The following TBC1D5 variants were observed in gnomAD, a reference collection of about 807,000 sequenced individuals.
TBC1D5 encodes the protein TBC1 domain family member 5.
TBC1D5 carries 75 observed loss-of-function variants against 100.3 expected under a neutral mutation model. That is an observed-to-expected ratio of 0.75 (90% CI 0.62 to 0.91). TBC1D5 has a LOEUF of 0.91. Among genes scored for constraint, TBC1D5 ranks in the 40% least tolerant of loss-of-function variants. The pLI is 0.00. For missense variants in TBC1D5, 910 were observed against 942.4 expected, an observed-to-expected ratio of 0.97 and a Z score of 0.45; for synonymous variants, 323 against 325.6, an observed-to-expected ratio of 0.99 and a Z score of 0.09.
intron 9 of TBC1D5, among the ~76,000 whole-genome samples, chr3:17,383,536 T>G (rs1317619850): frequency 6.6e-6 from 1 of 152,070 alleles, no homozygotes; most frequent in Non-Finnish European, 1.5e-5. Context: ...AATAGGATAC[T>G]TGATTATTTT....
At chr3:17,211,014 TA>T (rs2072917527) in intron 18 of TBC1D5, among the ~76,000 whole-genome samples, 1 of 152,256 alleles carries the variant, frequency 6.6e-6, no homozygotes, top group South Asian at 2.1e-4. Context: ...AAAAATCTAT[TA>T]AAATATGATT....
chr3:17,342,163 C>T (rs1213724678), intron 13 of TBC1D5, among the ~76,000 whole-genome samples: 1 of 152,202 alleles, frequency 6.6e-6, no homozygotes, highest in Non-Finnish European at 1.5e-5. Flanking sequence ...TGACTATCTG[C>T]TGAGACTTAT....
intron 2 of TBC1D5, among the ~76,000 whole-genome samples, chr3:17,585,843 T>C (rs1248901402): frequency 6.6e-6 from 1 of 152,220 alleles, no homozygotes; most frequent in Non-Finnish European, 1.5e-5. Context: ...GGCTCATAAA[T>C]GTACATTTTA....
At chr3:17,533,699 G>T (rs1377569232) in intron 2 of TBC1D5, among the ~76,000 whole-genome samples, 1 of 152,142 alleles carries the variant, frequency 6.6e-6, no homozygotes, top group Non-Finnish European at 1.5e-5. Context: ...CTACGAATGT[G>T]AATTACAAAA....
intron 13 of TBC1D5, among the ~76,000 whole-genome samples, chr3:17,356,685 T>A (rs1443567590): frequency 6.6e-6 from 1 of 152,202 alleles, no homozygotes; most frequent in Admixed American, 6.5e-5. Flanking sequence ...GAGCCAAACT[T>A]CTGACCAACT....
At chr3:17,614,501 G>C (rs1390523591) in intron 2 of TBC1D5, among the ~76,000 whole-genome samples, 1 of 152,170 alleles carries the variant, frequency 6.6e-6, no homozygotes, top group Non-Finnish European at 1.5e-5. Flanking sequence ...TCACAATGTT[G>C]ATTCCTCCTA....
intron 2 of TBC1D5, among the ~76,000 whole-genome samples, chr3:17,620,138 CT>C (rs2062530042): frequency 6.6e-6 from 1 of 152,174 alleles, no homozygotes; most frequent in Non-Finnish European, 1.5e-5. Context: ...CCCTTTGAAC[CT>C]TTTTGCCGTT....
intron 18 of TBC1D5, among the ~76,000 whole-genome samples, chr3:17,200,815 A>G (rs1270818043): frequency 6.6e-6 from 1 of 152,206 alleles, no homozygotes; most frequent in Non-Finnish European, 1.5e-5. Context: ...CTCCTGAGCA[A>G]CAAGCAGTAC....
intron 18 of TBC1D5, among the ~76,000 whole-genome samples, chr3:17,200,368 A>T (rs930378808): frequency 6.6e-6 from 1 of 152,248 alleles, no homozygotes; most frequent in Admixed American, 6.5e-5. Context: ...AGCAGCAGGC[A>T]AGCAAGCATT....
chr3:17,475,494 CA>C (rs2095427818), intron 3 of TBC1D5, among the ~76,000 whole-genome samples: 1 of 152,028 alleles, frequency 6.6e-6, no homozygotes, highest in South Asian at 2.1e-4. Context: ...TGCCCAATGC[CA>C]AAAATCTAGG....
At chr3:17,393,152 T>C (rs1444946895) in intron 8 of TBC1D5, among the ~76,000 whole-genome samples, 2 of 151,768 alleles carry the variant, frequency 1.3e-5, no homozygotes, top group Admixed American at 1.3e-4. Context: ...GCCGCATAAA[T>C]GTCTTCCTTT....
At chr3:17,436,658 A>C (rs549155552) in intron 3 of TBC1D5, among the ~76,000 whole-genome samples, 41 of 152,294 alleles carry the variant, frequency 2.7e-4, no homozygotes, top group Non-Finnish European at 3.7e-4. Context: ...AGTAAATTTA[A>C]ATAAAATTAC....
chr3:17,456,381 A>C (rs180820301), intron 3 of TBC1D5, among the ~76,000 whole-genome samples: 3 of 152,362 alleles, frequency 2.0e-5, no homozygotes, highest in African/African-American at 7.2e-5. Flanking sequence ...AATAGGAGAA[A>C]ATATCTGCAA....
intron 19 of TBC1D5, among the ~76,000 whole-genome samples, chr3:17,170,983 G>A (rs2067122158): frequency 6.6e-6 from 1 of 152,132 alleles, no homozygotes; most frequent in South Asian, 2.1e-4. Flanking sequence ...TGAGTTTAGG[G>A]ACATAGACTT....
intron 1 of TBC1D5, among the ~76,000 whole-genome samples, chr3:17,701,716 C>A (rs1020437336): frequency 6.6e-5 from 10 of 151,928 alleles, no homozygotes; most frequent in African/African-American, 2.4e-4. Context: ...ACTGAAGTCA[C>A]AGATGGAAGG....
At chr3:17,676,177 GA>G (rs2068605000) in intron 1 of TBC1D5, among the ~76,000 whole-genome samples, 1 of 152,058 alleles carries the variant, frequency 6.6e-6, no homozygotes. Flanking sequence ...AACATTAATT[GA>G]AATAGGATTA....
At chr3:17,452,002 A>G (rs2094939124) in intron 3 of TBC1D5, among the ~76,000 whole-genome samples, 1 of 152,224 alleles carries the variant, frequency 6.6e-6, no homozygotes, top group African/African-American at 2.4e-5. Context: ...GCATTTAACA[A>G]TCAAACTCCA....
intron 1 of TBC1D5, among the ~76,000 whole-genome samples, chr3:17,657,753 C>T (rs1311412879): frequency 6.6e-6 from 1 of 152,166 alleles, no homozygotes; most frequent in Non-Finnish European, 1.5e-5. Context: ...TACTTTCCTT[C>T]CTGTAGATTT....
chr3:17,272,464 C>G (rs1028531667), intron 15 of TBC1D5, among the ~76,000 whole-genome samples: 3 of 152,128 alleles, frequency 2.0e-5, no homozygotes, highest in Non-Finnish European at 4.4e-5. Context: ...AGTCTTCTTC[C>G]TCTTATGGAA....
Sources: gnomAD v4.1 joint callset for allele counts (sites outside exome capture counted in the v4.1 genomes callset) on GRCh38, gnomAD v4.1.1 for gene constraint, MANE v1.5 for transcripts, NCBI Gene and HGNC (gene_info 2026-07-23, HGNC 2026-07-21) for gene names.